Variants in QTMAN observed in about 807,000 individuals in gnomAD.
QTMAN encodes the protein queuosine-tRNA mannosyltransferase.
the QTMAN span, among the ~76,000 whole-genome samples, chr2:144,030,732 G>C: frequency 6.6e-6 from 1 of 152,172 alleles, no homozygotes; most frequent in African/African-American, 2.4e-5. Flanking sequence ...TATGTGTCAA[G>C]AGAGACAGGG....
chr2:143,999,879 A>C, the QTMAN span, among the ~76,000 whole-genome samples: 2 of 152,112 alleles, frequency 1.3e-5, no homozygotes, highest in Non-Finnish European at 2.9e-5. Flanking sequence ...AAAGGGCAAC[A>C]AGAGCTTTAG....
the QTMAN span, among the ~76,000 whole-genome samples, chr2:144,226,087 G>A: frequency 1.3e-5 from 2 of 152,174 alleles, no homozygotes; most frequent in African/African-American, 4.8e-5. Flanking sequence ...AAAATGAATT[G>A]TTCAGGTATT....
At chr2:144,327,079 G>A in the QTMAN span, among the ~76,000 whole-genome samples, 1 of 152,046 alleles carries the variant, frequency 6.6e-6, no homozygotes, top group Non-Finnish European at 1.5e-5. Context: ...AACCCACAGA[G>A]GATCCCATTC....
chr2:143,951,643 T>G, the QTMAN span, among the ~76,000 whole-genome samples: 4 of 151,564 alleles, frequency 2.6e-5, no homozygotes, highest in African/African-American at 9.7e-5. Context: ...ATTAGTATAA[T>G]TGTAGAATCT....
chr2:144,119,837 C>A, the QTMAN span, among the ~76,000 whole-genome samples: 1 of 151,818 alleles, frequency 6.6e-6, no homozygotes, highest in South Asian at 2.1e-4. Flanking sequence ...AATATAAGCA[C>A]CCTGCGTTTG....
chr2:144,019,507 G>T, the QTMAN span, among the ~76,000 whole-genome samples: 1 of 146,674 alleles, frequency 6.8e-6, no homozygotes, highest in African/African-American at 2.5e-5. Flanking sequence ...CAAGAAGAAG[G>T]TTGCGTGTTC....
At chr2:144,103,989 C>G in the QTMAN span, among the ~76,000 whole-genome samples, 2 of 152,110 alleles carry the variant, frequency 1.3e-5, no homozygotes, top group Non-Finnish European at 2.9e-5. Context: ...ACTCAGGAGG[C>G]TGAGGCACGA....
At chr2:144,000,160 CA>C in the QTMAN span, among the ~76,000 whole-genome samples, 1 of 152,010 alleles carries the variant, frequency 6.6e-6, no homozygotes, top group Non-Finnish European at 1.5e-5. Flanking sequence ...ACCACTAATT[CA>C]AAATCCTGAA....
the QTMAN span, among the ~76,000 whole-genome samples, chr2:144,026,852 C>T: frequency 3.9e-3 from 590 of 152,270 alleles, 7 homozygotes; most frequent in South Asian, 0.024. Flanking sequence ...AATTTCCAAG[C>T]GGCAAGTGAT....
At chr2:144,126,969 C>CT in the QTMAN span, among the ~76,000 whole-genome samples, 1 of 151,990 alleles carries the variant, frequency 6.6e-6, no homozygotes, top group South Asian at 2.1e-4. Flanking sequence ...CTTATACTAA[C>CT]TTTTTTTCTG....
At chr2:144,261,817 G>A in the QTMAN span, among the ~76,000 whole-genome samples, 2 of 152,168 alleles carry the variant, frequency 1.3e-5, no homozygotes, top group African/African-American at 2.4e-5. Flanking sequence ...TTTGCTGGAA[G>A]ACAATGTGAT....
the QTMAN span, among the ~76,000 whole-genome samples, chr2:143,973,286 G>A: frequency 3.3e-5 from 5 of 152,062 alleles, no homozygotes; most frequent in Non-Finnish European, 5.9e-5. Context: ...TGCATGGAAG[G>A]GGGAATTGGA....
chr2:144,238,487 A>G, the QTMAN span, among the ~76,000 whole-genome samples: 5 of 152,098 alleles, frequency 3.3e-5, no homozygotes, highest in Non-Finnish European at 7.3e-5. Context: ...ACATCTCTGT[A>G]TGCAACTCAA....
the QTMAN span, among the ~76,000 whole-genome samples, chr2:144,289,802 C>A: frequency 1.3e-5 from 2 of 152,132 alleles, 1 homozygote; most frequent in South Asian, 4.1e-4. Flanking sequence ...GTGCTATCTA[C>A]AAGAGACACA....
the QTMAN span, among the ~76,000 whole-genome samples, chr2:144,270,765 A>G: frequency 6.6e-6 from 1 of 152,212 alleles, no homozygotes; most frequent in Non-Finnish European, 1.5e-5. Context: ...TGGCACATGT[A>G]TACCTTTGTA....
the QTMAN span, among the ~76,000 whole-genome samples, chr2:144,259,030 GAAACAAGTT>G: frequency 6.6e-6 from 1 of 152,192 alleles, no homozygotes; most frequent in Admixed American, 6.5e-5. Flanking sequence ...GTACCCCAAA[GAAACAAGTT>G]ATTCCTTTTC....
the QTMAN span, among the ~76,000 whole-genome samples, chr2:143,975,044 T>C: frequency 6.6e-6 from 1 of 152,144 alleles, no homozygotes; most frequent in Non-Finnish European, 1.5e-5. Context: ...ACCACCACTA[T>C]GGCAGAAGAG....
the QTMAN span, chr2:144,235,657 T>C: frequency 8.5e-5 from 13 of 152,686 alleles, no homozygotes; most frequent in African/African-American, 2.9e-4. Context: ...GATATAAAAA[T>C]GAAGTCCCAT....
At chr2:144,207,441 G>T in the QTMAN span, among the ~76,000 whole-genome samples, 1 of 152,162 alleles carries the variant, frequency 6.6e-6, no homozygotes, top group Non-Finnish European at 1.5e-5. Flanking sequence ...CAGATGGGTA[G>T]AGGTACTGGA....
Sources: allele counts gnomAD v4.1 joint callset (sites outside exome capture counted in the v4.1 genomes callset), GRCh38; gene constraint gnomAD v4.1.1; transcripts MANE v1.5; gene names NCBI Gene and HGNC (gene_info 2026-07-23, HGNC 2026-07-21).